VEPH1: variants seen among roughly 807,000 people sequenced by gnomAD.
The protein encoded by VEPH1 is ventricular zone-expressed PH domain-containing protein homolog 1.
A neutral mutation model predicts 85.2 loss-of-function variants in VEPH1; 80 were observed. The observed-to-expected ratio is 0.94, with a 90% confidence interval of 0.78 to 1.13. VEPH1 has a LOEUF of 1.13. Ranked by LOEUF, VEPH1 falls within the 50% of genes most tolerant of loss-of-function variation. The pLI is 0.00. For missense variants in VEPH1, 955 were observed against 980.5 expected (o/e 0.97, Z 0.35); for synonymous variants, 297 against 348.0 (o/e 0.85, Z 1.63).
intron 4 of VEPH1, chr3:157,436,965 T>C: frequency 6.2e-7 from 1 of 1,614,068 alleles, no homozygotes; most frequent in Non-Finnish European, 8.5e-7. Flanking sequence ...TTTTGTGCTC[T>C]CTGGTCTGCA....
chr3:157,412,756 G>A (rs1731626650), intron 6 of VEPH1, among the ~76,000 whole-genome samples: 1 of 152,118 alleles, frequency 6.6e-6, no homozygotes, highest in Non-Finnish European at 1.5e-5. Context: ...GCAGGCTTGG[G>A]AACTCAGTTC....
At chr3:157,349,065 A>G (rs1724557859) in intron 9 of VEPH1, among the ~76,000 whole-genome samples, 1 of 152,246 alleles carries the variant, frequency 6.6e-6, no homozygotes, top group South Asian at 2.1e-4. Flanking sequence ...TAAAACTACA[A>G]GCCATTATCC....
At chr3:157,301,531 C>T (rs1252715718) in intron 11 of VEPH1, among the ~76,000 whole-genome samples, 1 of 152,200 alleles carries the variant, frequency 6.6e-6, no homozygotes, top group African/African-American at 2.4e-5. Context: ...CAGCTCTCTA[C>T]ATATGCTATG....
chr3:157,377,999 G>C (rs1245046458), intron 7 of VEPH1, among the ~76,000 whole-genome samples: 1 of 152,032 alleles, frequency 6.6e-6, no homozygotes, highest in East Asian at 1.9e-4. Flanking sequence ...GGAAAATAGA[G>C]AATAGGTGAG....
intron 4 of VEPH1, chr3:157,437,731 C>T: frequency 1.3e-6 from 2 of 1,506,590 alleles, no homozygotes; most frequent in Non-Finnish European, 1.8e-6. Context: ...GACCAGTGCT[C>T]TGGACGAGCT....
At chr3:157,273,860 T>C (rs1307481282) in intron 12 of VEPH1, among the ~76,000 whole-genome samples, 1 of 152,228 alleles carries the variant, frequency 6.6e-6, no homozygotes, top group East Asian at 1.9e-4. Context: ...TAACCAATTA[T>C]AATTTATTTA....
chr3:157,409,442 A>G (rs747866469), intron 6 of VEPH1, among the ~76,000 whole-genome samples: 5 of 152,134 alleles, frequency 3.3e-5, no homozygotes, highest in African/African-American at 4.8e-5. Flanking sequence ...AAATTTCTCT[A>G]CCCTGGAAGT....
At chr3:157,479,263 G>A (rs1435193208) in intron 2 of VEPH1, among the ~76,000 whole-genome samples, 1 of 152,154 alleles carries the variant, frequency 6.6e-6, no homozygotes, top group African/African-American at 2.4e-5. Flanking sequence ...AACCCATCAA[G>A]CCAGACTTAG....
At position 157,404,256 on chromosome 3, in the gene VEPH1, C is replaced by T. The variant is rs192155634; in HGVS notation, c.906+9625G>A. Among the ~76,000 whole-genome samples the T allele has an allele frequency of 2.3e-3, 346 of 152,074 alleles. 1 individual carries two copies. The highest frequency in any genetic ancestry group is 3.1e-3 in the Non-Finnish European group (213 of 67,984). On this transcript the variant is annotated intron_variant, in intron 6 of 13. Coordinates refer to ENST00000362010, the MANE Select transcript of VEPH1 (RefSeq NM_001167912.2). The stretch of plus-strand genomic sequence containing the variant: ...TTGAGGGGGGGTTATGCCAGGGCCA[C>T]GAGGAGGTATAAGGTATGGTTCCTT...
intron 9 of VEPH1, among the ~76,000 whole-genome samples, chr3:157,346,249 G>A (rs73873644): frequency 2.1e-3 from 318 of 152,206 alleles, no homozygotes; most frequent in African/African-American, 7.0e-3. Context: ...GGCATTTCTT[G>A]ATAAGATTTC....
chr3:157,443,256 A>G (rs1734281341), intron 4 of VEPH1: 1 of 342,588 alleles, frequency 2.9e-6, no homozygotes, highest in African/African-American at 2.1e-5. Context: ...AATAATTAAA[A>G]AGGACTGTAT....
At chr3:157,422,230 G>C (rs1732399324) in intron 5 of VEPH1, among the ~76,000 whole-genome samples, 1 of 152,172 alleles carries the variant, frequency 6.6e-6, no homozygotes, top group African/African-American at 2.4e-5. Flanking sequence ...AGGGAAGGTA[G>C]TATGACTCTG....
At chr3:157,355,901 CTTTT>C in intron 9 of VEPH1, among the ~76,000 whole-genome samples, 1 of 139,360 alleles carries the variant, frequency 7.2e-6, no homozygotes, top group Admixed American at 7.2e-5. Flanking sequence ...CTCTCTCACT[CTTTT>C]TTTTTTTTTT....
chr3:157,399,951 G>T (rs1730685585), intron 6 of VEPH1, among the ~76,000 whole-genome samples: 1 of 151,938 alleles, frequency 6.6e-6, no homozygotes, highest in East Asian at 1.9e-4. Flanking sequence ...TTTATTTTTT[G>T]ATTGTGTCTC....
At chr3:157,322,824 A>G (rs1721500102) in intron 9 of VEPH1, among the ~76,000 whole-genome samples, 1 of 152,244 alleles carries the variant, frequency 6.6e-6, no homozygotes, top group Admixed American at 6.5e-5. Flanking sequence ...CATTGACGCA[A>G]TGAATAAATA....
chr3:157,299,005 A>G (rs761330636), intron 11 of VEPH1, among the ~76,000 whole-genome samples: 25 of 152,282 alleles, frequency 1.6e-4, no homozygotes, highest in Non-Finnish European at 3.2e-4. Context: ...ACCAGAATTT[A>G]TATTTTGAAA....
intron 9 of VEPH1, among the ~76,000 whole-genome samples, chr3:157,329,081 G>T (rs12491904): frequency 1.3e-5 from 2 of 151,972 alleles, no homozygotes; most frequent in Non-Finnish European, 2.9e-5. Flanking sequence ...GTCGAAGAGG[G>T]ATTTAATTTA....
At chr3:157,270,876 T>A (rs1714457494) in intron 12 of VEPH1, among the ~76,000 whole-genome samples, 1 of 151,582 alleles carries the variant, frequency 6.6e-6, no homozygotes, top group Non-Finnish European at 1.5e-5. Flanking sequence ...AGCCACATGT[T>A]ACAGCATTTG....
intron 9 of VEPH1, among the ~76,000 whole-genome samples, chr3:157,362,614 T>C (rs1726175644): frequency 3.9e-5 from 6 of 152,196 alleles, no homozygotes; most frequent in Non-Finnish European, 8.8e-5. Context: ...TGAGTTCCTA[T>C]ACAACCATTC....
Sources: gnomAD v4.1 joint callset for allele counts (sites outside exome capture counted in the v4.1 genomes callset) on GRCh38, gnomAD v4.1.1 for gene constraint, MANE v1.5 for transcripts, NCBI Gene and HGNC (gene_info 2026-07-23, HGNC 2026-07-21) for gene names.